The following TSNARE1 variants were observed in gnomAD, a reference collection of about 807,000 sequenced individuals.
The protein encoded by TSNARE1 is t-SNARE domain containing 1.
Under a neutral mutation model 62.0 loss-of-function variants are expected in TSNARE1, and 49 were observed. That is an observed-to-expected ratio of 0.79 (90% CI 0.63 to 1.00). The LOEUF is 1.00. Among genes scored for constraint, TSNARE1 ranks in the 50% least tolerant of loss-of-function variants. The pLI, the probability that TSNARE1 is intolerant of heterozygous loss-of-function variation, is 0.00. For missense variants in TSNARE1, 755 were observed against 700.1 expected (o/e 1.08, Z -0.88); for synonymous variants, 328 against 294.4 (o/e 1.11, Z -1.17).
At chr8:142,308,743 C>T (rs1827105229) in intron 9 of TSNARE1, among the ~76,000 whole-genome samples, 1 of 152,172 alleles carries the variant, frequency 6.6e-6, no homozygotes, top group Non-Finnish European at 1.5e-5. Context: ...TATCTTGGGT[C>T]TTTCATATTT....
intron 10 of TSNARE1, among the ~76,000 whole-genome samples, chr8:142,294,127 C>A (rs898095145): frequency 2.6e-5 from 4 of 151,996 alleles, no homozygotes; most frequent in Non-Finnish European, 5.9e-5. Context: ...GGGCTGGGAC[C>A]CCCTGCGGAC....
At chr8:142,404,544 G>C (rs1317444585), upstream of TSNARE1, 2 of 152,316 alleles carry the variant, frequency 1.3e-5, no homozygotes, top group Admixed American at 1.3e-4. Context: ...GCCCACCCAC[G>C]CTCCTTGCCT....
chr8:142,314,894 A>T (rs1828276697), intron 8 of TSNARE1, 109 bp downstream of exon 8: 4 of 1,022,030 alleles, frequency 3.9e-6, no homozygotes, highest in Non-Finnish European at 6.1e-6. Context: ...GCCTTTGGGG[A>T]TGGGGCTGCA....
At chr8:142,274,238 C>T in intron 12 of TSNARE1, 2 of 984,400 alleles carry the variant, frequency 2.0e-6, no homozygotes, top group Non-Finnish European at 2.4e-6. Context: ...AGCTGGGCCA[C>T]AGTCTCCAGC....
chr8:142,216,537 G>A (rs969056399), intron 13 of TSNARE1, among the ~76,000 whole-genome samples: 8 of 152,124 alleles, frequency 5.3e-5, no homozygotes, highest in African/African-American at 1.2e-4. Flanking sequence ...GGAGGGTGTC[G>A]GCCTCCCGGC....
At chr8:142,238,544 G>A (rs1450105855) in intron 12 of TSNARE1, among the ~76,000 whole-genome samples, 5 of 151,926 alleles carry the variant, frequency 3.3e-5, no homozygotes, top group Admixed American at 6.6e-5. Context: ...ACCCCACACC[G>A]TGGTACCTCT....
intron 13 of TSNARE1, among the ~76,000 whole-genome samples, chr8:142,227,390 T>C (rs1220179177): frequency 1.8e-4 from 11 of 60,576 alleles, no homozygotes; most frequent in South Asian, 8.9e-4. Flanking sequence ...ATCCTGCCAA[T>C]AGCCCCAGTG....
At chr8:142,251,826 G>A (rs187805598) in intron 12 of TSNARE1, among the ~76,000 whole-genome samples, 2,840 of 145,558 alleles carry the variant, frequency 0.02, 45 homozygotes, top group Non-Finnish European at 0.03. Context: ...CGCCACCCGC[G>A]TTCTCTATCT....
At chr8:142,293,398 C>G (rs940843073) in intron 10 of TSNARE1, among the ~76,000 whole-genome samples, 1 of 152,232 alleles carries the variant, frequency 6.6e-6, no homozygotes, top group Admixed American at 6.5e-5. Flanking sequence ...CCTCCTGGCG[C>G]GGGTTCTTCC....
chr8:142,381,468 G>GCCCC (rs542900493), intron 1 of TSNARE1, among the ~76,000 whole-genome samples: 1 of 150,692 alleles, frequency 6.6e-6, no homozygotes, highest in African/African-American at 2.4e-5. Context: ...ACCTATCAGC[G>GCCCC]CCCCCCCCCA....
chr8:142,350,189 C>T (rs28707170), intron 2 of TSNARE1, among the ~76,000 whole-genome samples: 4 of 32,760 alleles, frequency 1.2e-4, no homozygotes, highest in East Asian at 7.7e-4. Context: ...GCTGGGACCT[C>T]GGCAGGCAGG....
intron 1 of TSNARE1, among the ~76,000 whole-genome samples, chr8:142,368,176 A>G (rs889042718): frequency 6.6e-6 from 1 of 152,178 alleles, no homozygotes; most frequent in Non-Finnish European, 1.5e-5. Context: ...ACAACAGACA[A>G]GCAGGGAGAA....
intron 13 of TSNARE1, among the ~76,000 whole-genome samples, chr8:142,225,194 G>A (rs73362774): frequency 0.11 from 14,842 of 130,558 alleles, 2,110 homozygotes; most frequent in African/African-American, 0.35. Flanking sequence ...ATGTGGACAC[G>A]GCTTGCCCTC....
chr8:142,217,410 G>A (rs148880305), intron 13 of TSNARE1, among the ~76,000 whole-genome samples: 6 of 152,274 alleles, frequency 3.9e-5, no homozygotes, highest in South Asian at 2.1e-4. Flanking sequence ...AAGCAACGGC[G>A]TAAGGAATGG....
intron 1 of TSNARE1, among the ~76,000 whole-genome samples, chr8:142,373,095 G>T (rs757377756): frequency 6.6e-6 from 1 of 152,142 alleles, no homozygotes; most frequent in Non-Finnish European, 1.5e-5. Context: ...TCTCTCTCTC[G>T]GACTGTGTCT....
intron 10 of TSNARE1, among the ~76,000 whole-genome samples, chr8:142,299,871 G>C (rs187768831): frequency 6.6e-6 from 1 of 152,200 alleles, no homozygotes; most frequent in African/African-American, 2.4e-5. Flanking sequence ...AGACACATTT[G>C]GCAGCAGGTA....
chr8:142,217,922 A>C (rs976922358), intron 13 of TSNARE1, among the ~76,000 whole-genome samples: 10,480 of 26,074 alleles, frequency 0.4, 2,195 homozygotes, highest in African/African-American at 0.46. Flanking sequence ...CAGAGTGTGA[A>C]CAGGATCAGG....
chr8:142,319,287 A>G lies in TSNARE1; in HGVS notation c.894-653T>C, dbSNP rs1293079816. ...AATCAGGGCAAGAGCGCCATGGCCC[A>G]GGGAGGCCAGCAGTCCCCACCCCCC... On this transcript the variant is annotated intron_variant, in intron 6 of 13. Transcript: ENST00000524325. The surrounding 1 kb of genome is among the most constrained non-coding windows in gnomAD (Gnocchi z 4.9). Among the ~76,000 whole-genome samples the G allele has an allele frequency of 1.3e-5, 2 of 152,022 alleles. No individual in the cohort carries two copies. Among genetic ancestry groups the G allele is most frequent in the Non-Finnish European group, 2.9e-5 (2 of 67,968 alleles).
chr8:142,255,504 CACT>C (rs1818402875), intron 12 of TSNARE1, among the ~76,000 whole-genome samples: 1 of 67,432 alleles, frequency 1.5e-5, no homozygotes, highest in Non-Finnish European at 2.8e-5. Flanking sequence ...CCACCACCAC[CACT>C]GTCACCATCA....
Sources: allele counts gnomAD v4.1 joint callset (sites outside exome capture counted in the v4.1 genomes callset), GRCh38; gene constraint gnomAD v4.1.1; non-coding constraint Gnocchi (gnomAD v3.1); transcripts MANE v1.5; gene names NCBI Gene and HGNC (gene_info 2026-07-23, HGNC 2026-07-21).